DDX24: variants seen among roughly 807,000 people sequenced by gnomAD.
DDX24 encodes ATP-dependent RNA helicase DDX24.
In DDX24, 24 loss-of-function variants were observed where a neutral mutation model predicts 68.9. That is an observed-to-expected ratio of 0.35 (90% CI 0.25 to 0.49). The LOEUF (loss-of-function observed/expected upper bound fraction) is 0.49, where lower values mean the gene tolerates loss of function less well. Among genes scored for constraint, DDX24 ranks in the 20% least tolerant of loss-of-function variants. The pLI is 0.99. For missense variants in DDX24, 989 were observed against 1,039.0 expected, an observed-to-expected ratio of 0.95 and a Z score of 0.66; for synonymous variants, 395 against 385.2, an observed-to-expected ratio of 1.03 and a Z score of -0.30.
intron 2 of DDX24, among the ~76,000 whole-genome samples, chr14:94,069,620 C>T (rs185106821): frequency 6.6e-6 from 1 of 152,160 alleles, no homozygotes; most frequent in Non-Finnish European, 1.5e-5. Context: ...TAACAAAATA[C>T]TAGCTAACCA....
intron 2 of DDX24, among the ~76,000 whole-genome samples, chr14:94,077,381 G>T (rs749979846): frequency 1.3e-5 from 2 of 152,138 alleles, no homozygotes; most frequent in Non-Finnish European, 2.9e-5. Context: ...TGGCCACAAC[G>T]GCTCATATAA....
Position 94,062,231 on chromosome 14 carries a change from T to G in DDX24, c.1109A>C (p.Lys370Thr). The G allele has an allele frequency of 6.2e-7, 1 of 1,614,108 alleles. No homozygotes were observed. Among genetic ancestry groups the G allele is most frequent in the Admixed American group, 1.7e-5 (1 of 60,030 alleles). The change falls in exon 3 of 9, where the codon AAA (lysine) becomes ACA (threonine). Residue 370 changes from lysine (K) to threonine (T), a missense_variant. Lys to Thr is a moderately conservative substitution (Grantham distance 78). This residue lies in a region of DDX24 where 691 missense variants were observed against 760.0 expected (regional missense o/e 0.91). Coordinates refer to ENST00000621632, the MANE Select transcript of DDX24 (RefSeq NM_020414.4). The part of the protein sequence containing the change: ...NLDKEQTGNL[K>T]QELDDKSATC... ...GGCGCTTTTGTCATCCAACTCCTGT[T>G]TTAGATTTCCAGTCTGCTCTTTATC...
In DDX24 at chr14:94,050,886, A is replaced by T. The variant is rs762308853; in HGVS notation, c.*305T>A. On this transcript the variant is annotated 3_prime_UTR_variant, in exon 9 of 9. Transcript: ENST00000621632. Reference sequence around the variant, plus strand: ...ACACCACCACCCCCATCTTCTATCTAAAAAAAAAAAAAAAAAATCAGGATG... The same window carrying T: ...ACACCACCACCCCCATCTTCTATCTTAAAAAAAAAAAAAAAAATCAGGATG... 9 of 108,100 alleles carry T rather than the reference A, an allele frequency of 8.3e-5. No individual in the cohort carries two copies. The highest frequency in any genetic ancestry group is 1.6e-4 in the Non-Finnish European group (9 of 54,942). 6.7% of individuals were successfully genotyped at this position (108,100 alleles called of 1,614,324 possible). A position where few individuals can be genotyped will look rare whatever the true frequency, so the allele number is the denominator to read the frequency against.
At chr14:94,077,045 A>AT (rs569657637) in intron 2 of DDX24, among the ~76,000 whole-genome samples, 94 of 152,286 alleles carry the variant, frequency 6.2e-4, no homozygotes, top group African/African-American at 2.1e-3. Flanking sequence ...TCTTAATAAC[A>AT]TTTTTTCTCT....
chr14:94,076,634 T>C (rs1344281329), intron 2 of DDX24, among the ~76,000 whole-genome samples: 1 of 149,990 alleles, frequency 6.7e-6, no homozygotes, highest in Non-Finnish European at 1.5e-5. Context: ...TGAGCCGAGA[T>C]TGGGCCACTG....
At chr14:94,074,133 A>T (rs187678013) in intron 2 of DDX24, among the ~76,000 whole-genome samples, 1 of 152,318 alleles carries the variant, frequency 6.6e-6, no homozygotes, top group African/African-American at 2.4e-5. Context: ...TCCTACAAAG[A>T]CAAGTGCAGG....
In DDX24 at chr14:94,053,047, C is replaced by G; in HGVS notation, c.2259G>C (p.Glu753Asp). ...FQACLHNSWI[E>D]QAAAALEIEL... ...CAATCTCCAGGGCAGCTGCTGCCTG[C>G]TCAATCCAAGAGTTGTGCAGGCAAG... The change falls in exon 8 of 9, where the codon GAG (glutamate) becomes GAC (aspartate). Residue 753 changes from glutamate to aspartate, a missense_variant. By Grantham distance (45) the Glu-to-Asp change is conservative (BLOSUM62 2). Coordinates refer to ENST00000621632, the MANE Select transcript of DDX24 (RefSeq NM_020414.4). The G allele has an allele frequency of 6.2e-7, 1 of 1,614,196 alleles. No individual in the cohort carries two copies. Among genetic ancestry groups the G allele is most frequent in the Non-Finnish European group, 8.5e-7 (1 of 1,180,018 alleles).
chr14:94,055,858 CT>C (rs1885482506), intron 6 of DDX24: 1 of 152,324 alleles, frequency 6.6e-6, no homozygotes, highest in South Asian at 2.1e-4. Flanking sequence ...CCAAGTGCCC[CT>C]GAACACTGCC....
chr14:94,060,647 G>C (rs1885577766), intron 4 of DDX24, 34 bp from the exon 5 acceptor site: 2 of 1,600,098 alleles, frequency 1.2e-6, no homozygotes, highest in Non-Finnish European at 8.5e-7. Flanking sequence ...TCATTGGTCA[G>C]CAGCGGGTTA....
In DDX24 at chr14:94,062,578, C is replaced by T. The variant is rs776683712; in HGVS notation, c.762G>A (p.Ala254=). The T allele has an allele frequency of 1.3e-5, 21 of 1,607,470 alleles. No individual in the cohort carries two copies. The highest frequency in any genetic ancestry group is 2.2e-5 in the South Asian group (2 of 89,368). The change falls in exon 3 of 9, where the codon GCG becomes GCA. Residue 254 remains alanine, a synonymous_variant. Transcript: ENST00000621632. The part of the protein sequence containing the change: ...TLAFAIPMIH[A]VLQWQKRNAA... Reference sequence around the variant, plus strand: ...CATTCCTCTTCTGCCACTGCAACACCGCATGAATCATTGGGATGGCAAAGG... The same window carrying T: ...CATTCCTCTTCTGCCACTGCAACACTGCATGAATCATTGGGATGGCAAAGG...
At chr14:94,060,824 G>T in intron 4 of DDX24, 89 bp downstream of exon 4, 6 of 1,542,362 alleles carry the variant, frequency 3.9e-6, no homozygotes, top group Non-Finnish European at 5.3e-6. Context: ...AGCATTCTGC[G>T]ATGAGAAGAA....
chr14:94,077,571 T>C (rs1885969006), intron 2 of DDX24, among the ~76,000 whole-genome samples: 1 of 152,230 alleles, frequency 6.6e-6, no homozygotes, highest in African/African-American at 2.4e-5. Flanking sequence ...ATCTGTAACA[T>C]GGGAATAATG....
In DDX24 at chr14:94,051,155, AGAAACCAATGT is replaced by A; in HGVS notation, c.*25_*35del. 1 of 1,490,632 alleles carries A rather than the reference AGAAACCAATGT, an allele frequency of 6.7e-7. No individual in the cohort carries two copies. Among genetic ancestry groups the A allele is most frequent in the East Asian group, 2.4e-5 (1 of 41,728 alleles). The allele number at this position is 1,490,632 out of a possible 1,614,324, so 92.3% of individuals were successfully genotyped here. The stretch of plus-strand genomic sequence containing the variant: ...GAGGTTTTGCAAATAGCCAGAGAAC[AGAAACCAATGT>A]GCAGTCACTGACACACTTGACCAGT... On this transcript the variant is annotated 3_prime_UTR_variant, in exon 9 of 9. Transcript: ENST00000621632.
chr14:94,068,405 A>C (rs991779568), intron 2 of DDX24, among the ~76,000 whole-genome samples: 1 of 152,242 alleles, frequency 6.6e-6, no homozygotes, highest in Non-Finnish European at 1.5e-5. Context: ...ACAGCAACAC[A>C]ATAATAGTGG....
chr14:94,077,035 T>C (rs890106707), intron 2 of DDX24, among the ~76,000 whole-genome samples: 3 of 152,252 alleles, frequency 2.0e-5, no homozygotes, highest in African/African-American at 4.8e-5. Context: ...CTTACAATTT[T>C]CTTAATAACA....
intron 2 of DDX24, among the ~76,000 whole-genome samples, chr14:94,068,108 T>C (rs1885743566): frequency 6.6e-6 from 1 of 152,132 alleles, no homozygotes; most frequent in African/African-American, 2.4e-5. Flanking sequence ...TCTGCTGCCT[T>C]CAGGAGACTC....
intron 5 of DDX24, 139 bp downstream of exon 5, chr14:94,059,959 A>G (rs1885560339): frequency 1.9e-6 from 2 of 1,037,940 alleles, no homozygotes; most frequent in East Asian, 5.1e-5. Context: ...TGCTGTGCAA[A>G]AAAAAAAAAA....
rs888744057 is a variant in DDX24 at position 94,079,241 on chromosome 14, T to C, written c.502A>G (p.Ser168Gly). 1.2e-6 allele frequency: 2 copies of C among 1,614,086 alleles called. No homozygotes were observed. Among genetic ancestry groups the C allele is most frequent in the African/African-American group, 2.7e-5 (2 of 74,930 alleles). ...KGKKGLEPSQ[S>G]TAAKVPKKAK... ...TTTTTGGGCACCTTGGCAGCAGTGC[T>C]CTGAGAAGGCTCCAACCCTTTTTTC... The change falls in exon 2 of 9, where the codon AGC (serine) becomes GGC (glycine). Residue 168 changes from serine to glycine, a missense_variant. Around this residue, in one of 3 missense-constraint regions of DDX24, gnomAD observed 295 missense variants for 263.0 expected, o/e 1.12. Transcript: ENST00000621632.
In DDX24 at chr14:94,050,870, C is replaced by G. The variant is rs1018477494; in HGVS notation, c.*321G>C. 1.1e-5 allele frequency: 3 copies of G among 279,288 alleles called. No individual in the cohort carries two copies. The Admixed American group carries it at 1.5e-4, about 14-fold the overall frequency. 17.3% of individuals were successfully genotyped at this position (279,288 alleles called of 1,614,324 possible). ...AATAATGAAACAAACTACACCACCA[C>G]CCCCATCTTCTATCTAAAAAAAAAA... On this transcript the variant is annotated 3_prime_UTR_variant, in exon 9 of 9. Coordinates refer to ENST00000621632, the MANE Select transcript of DDX24 (RefSeq NM_020414.4).
Sources: gnomAD v4.1 joint callset for allele counts (sites outside exome capture counted in the v4.1 genomes callset) on GRCh38, gnomAD v4.1.1 for gene constraint, gnomAD v4.1.1 regional missense constraint, MANE v1.5 for transcripts, NCBI Gene and HGNC (gene_info 2026-07-23, HGNC 2026-07-21) for gene names.